The following PRKN variants were observed in gnomAD, a reference collection of about 807,000 sequenced individuals.
The protein encoded by PRKN is parkin RBR E3 ubiquitin protein ligase.
In PRKN, 56 loss-of-function variants were observed where a neutral mutation model predicts 59.5. The ratio of observed to expected loss-of-function variants is 0.94; its 90% CI spans 0.76 to 1.18. The LOEUF is 1.18. Among genes scored for constraint, PRKN ranks in the 50% most tolerant of loss-of-function variants. The pLI is 0.00. For synonymous variants in PRKN, 250 were observed against 222.1 expected (o/e 1.13, Z -1.12); for missense variants, 657 against 596.4 (o/e 1.10, Z -1.06).
At chr6:162,132,435 T>G (rs1450889584) in intron 4 of PRKN, among the ~76,000 whole-genome samples, 1 of 152,154 alleles carries the variant, frequency 6.6e-6, no homozygotes, top group African/African-American at 2.4e-5. Context: ...AGTCTCCTCC[T>G]AATAATTAGC....
At chr6:161,628,286 G>A (rs577230351) in intron 7 of PRKN, among the ~76,000 whole-genome samples, 2 of 152,300 alleles carry the variant, frequency 1.3e-5, no homozygotes, top group South Asian at 4.2e-4. Flanking sequence ...TGGCTTATAA[G>A]CCACGGAAAT....
At chr6:162,593,804 C>T (rs868388169) in intron 1 of PRKN, among the ~76,000 whole-genome samples, 19 of 152,256 alleles carry the variant, frequency 1.2e-4, no homozygotes, top group Non-Finnish European at 2.2e-4. Context: ...AGGCTAATGT[C>T]GCTTTTGTTA....
intron 1 of PRKN, among the ~76,000 whole-genome samples, chr6:162,533,484 C>T (rs1287204618): frequency 6.6e-6 from 1 of 152,018 alleles, no homozygotes; most frequent in African/African-American, 2.4e-5. Flanking sequence ...GCCAAGATCG[C>T]ACCACTGCAC....
At chr6:162,422,409 A>G (rs181641639) in intron 2 of PRKN, among the ~76,000 whole-genome samples, 2 of 152,316 alleles carry the variant, frequency 1.3e-5, no homozygotes, top group African/African-American at 4.8e-5. Context: ...ATGAAACAGT[A>G]TCACATGGTA....
chr6:161,918,560 A>T (rs191119347), intron 6 of PRKN, among the ~76,000 whole-genome samples: 1 of 152,282 alleles, frequency 6.6e-6, no homozygotes, highest in East Asian at 1.9e-4. Flanking sequence ...TTTCTATGCA[A>T]AATACTGCAT....
intron 6 of PRKN, among the ~76,000 whole-genome samples, chr6:161,840,992 C>T (rs1792963816): frequency 6.6e-6 from 1 of 152,146 alleles, no homozygotes; most frequent in African/African-American, 2.4e-5. Flanking sequence ...AGTTCAGCCA[C>T]TGTGGAAGAC....
At chr6:162,431,229 G>A (rs979378841) in intron 2 of PRKN, among the ~76,000 whole-genome samples, 3 of 120,064 alleles carry the variant, frequency 2.5e-5, no homozygotes, top group Non-Finnish European at 5.1e-5. Context: ...AGAATGGATA[G>A]TAGTTGAGCC....
rs56320816 is a variant in PRKN, at chr6:162,160,890, C to CAA, written c.534+40239_534+40240dup. Among the ~76,000 whole-genome samples the CAA allele has an allele frequency of 7.4e-3, 592 of 80,232 alleles. 40 individuals are homozygous for CAA. Among genetic ancestry groups the CAA allele is most frequent in the African/African-American group, 0.029 (553 of 18,858 alleles). 52.6% of individuals were successfully genotyped at this position (80,232 alleles called of 152,430 possible). A position where few individuals can be genotyped will look rare whatever the true frequency, so the allele number is the denominator to read the frequency against. ...TGGGCAACACAGAGAGACTCCGTCT[C>CAA]AAAAAAAAAAAAAAAAAAAAAAAAA... On this transcript the variant is annotated intron_variant, in intron 4 of 11. Transcript: ENST00000366898.
In PRKN at chr6:161,548,970, A is replaced by T; in HGVS notation, c.967T>A (p.Cys323Ser). 1 of 1,614,092 alleles carries T rather than the reference A, an allele frequency of 6.2e-7. No homozygotes were observed. Among genetic ancestry groups the T allele is most frequent in the Non-Finnish European group, 8.5e-7 (1 of 1,180,012 alleles). The change falls in exon 9 of 12, where the codon TGT becomes AGT. Residue 323 changes from cysteine to serine, a missense_variant. By Grantham distance (112) the Cys-to-Ser change is moderately radical (BLOSUM62 -1). Transcript: ENST00000366898. The surrounding 1 kb of genome is among the most constrained non-coding windows in gnomAD (Gnocchi z 4.2). ...AACACGCCCCCCATCTGCAGGACAC[A>T]CTCCTCTGCACCATACTGCTGGTAC... ...NRYQQYGAEE[C>S]VLQMGGVLCP...
intron 5 of PRKN, among the ~76,000 whole-genome samples, chr6:162,031,151 A>C (rs767319633): frequency 3.3e-5 from 5 of 152,144 alleles, no homozygotes; most frequent in Admixed American, 1.3e-4. Flanking sequence ...ATGTCCTCCA[A>C]GGCCTGAGAA....
chr6:161,522,063 C>T (rs953957917), intron 9 of PRKN, among the ~76,000 whole-genome samples: 12 of 152,054 alleles, frequency 7.9e-5, no homozygotes, highest in African/African-American at 2.7e-4. Flanking sequence ...AATATTGATG[C>T]GGTGTGTGTG....
At chr6:162,119,666 A>T (rs1017580823) in intron 4 of PRKN, among the ~76,000 whole-genome samples, 2 of 152,020 alleles carry the variant, frequency 1.3e-5, no homozygotes, top group African/African-American at 4.8e-5. Flanking sequence ...TTCCAAGAAC[A>T]GTTTATCTTG....
In PRKN at chr6:161,397,833, G is replaced by T. The variant is rs963363582; in HGVS notation, c.1084-10956C>A. Among the ~76,000 whole-genome samples, 4 of 152,160 alleles carry T rather than the reference G, an allele frequency of 2.6e-5. No homozygotes were observed. Among genetic ancestry groups the T allele is most frequent in the African/African-American group, 9.7e-5 (4 of 41,412 alleles). On this transcript the variant is annotated intron_variant, in intron 9 of 11. Transcript: ENST00000366898. This position sits in a 1 kb window ranked among gnomAD's most constrained non-coding sequence, Gnocchi z 4.2. The stretch of plus-strand genomic sequence containing the variant: ...GGAATAACTAAGACTTTCTGCCAGG[G>T]AAAGTACTTTAGTGACCTCGGAGGC...
intron 2 of PRKN, among the ~76,000 whole-genome samples, chr6:162,432,248 C>A (rs936395904): frequency 1.3e-5 from 2 of 152,146 alleles, no homozygotes; most frequent in African/African-American, 4.8e-5. Flanking sequence ...CCAAGCTTGG[C>A]TGGGCGCCGT....
chr6:161,574,680 C>G (rs1032760483), intron 7 of PRKN, among the ~76,000 whole-genome samples: 1 of 152,034 alleles, frequency 6.6e-6, no homozygotes, highest in Non-Finnish European at 1.5e-5. Flanking sequence ...TCAAAGATTC[C>G]CGGCAGCATC....
At chr6:162,121,859 C>A (rs111343379) in intron 4 of PRKN, among the ~76,000 whole-genome samples, 3 of 152,206 alleles carry the variant, frequency 2.0e-5, no homozygotes, top group African/African-American at 7.2e-5. Context: ...TACAGATGAG[C>A]AGTACAATAT....
intron 2 of PRKN, among the ~76,000 whole-genome samples, chr6:162,432,294 G>C (rs993410618): frequency 4.6e-5 from 7 of 152,108 alleles, no homozygotes; most frequent in Non-Finnish European, 1.0e-4. Flanking sequence ...TTGGGAGGCC[G>C]AGGCAGACGG....
At chr6:162,300,985 A>T (rs528313614) in intron 2 of PRKN, among the ~76,000 whole-genome samples, 349 of 152,142 alleles carry the variant, frequency 2.3e-3, no homozygotes, top group South Asian at 0.011. Context: ...ATTTTTTTTT[A>T]ATGGATGCAA....
chr6:161,614,782 A>G (rs777615950), intron 7 of PRKN, among the ~76,000 whole-genome samples: 1 of 152,208 alleles, frequency 6.6e-6, no homozygotes, highest in South Asian at 2.1e-4. Context: ...TTCAAACAAA[A>G]TCTTCGCTTA....
Sources: allele counts gnomAD v4.1 joint callset (sites outside exome capture counted in the v4.1 genomes callset), GRCh38; gene constraint gnomAD v4.1.1; non-coding constraint Gnocchi (gnomAD v3.1); transcripts MANE v1.5; gene names NCBI Gene and HGNC (gene_info 2026-07-23, HGNC 2026-07-21).